The following CYP2C8 variants were observed in gnomAD, a reference collection of about 807,000 sequenced individuals.
CYP2C8 encodes cytochrome P450 2C8.
Under a neutral mutation model 41.3 loss-of-function variants are expected in CYP2C8, and 51 were observed. That is an observed-to-expected ratio of 1.24 (90% CI 0.99 to 1.56). CYP2C8 has a LOEUF of 1.56. CYP2C8 is among the 40% of genes most tolerant of loss of function. The pLI is 0.00. For missense variants in CYP2C8, 651 were observed against 579.9 expected (o/e 1.12, Z -1.26); for synonymous variants, 218 against 205.8 (o/e 1.06, Z -0.51).
At chr10:95,063,997 C>T (rs1056865800) in intron 4 of CYP2C8, among the ~76,000 whole-genome samples, 1 of 152,182 alleles carries the variant, frequency 6.6e-6, no homozygotes, top group Non-Finnish European at 1.5e-5. Flanking sequence ...GAAGTTTTGT[C>T]TCAGAGGGGT....
chr10:95,055,553 C>T (rs1330508638), intron 5 of CYP2C8, among the ~76,000 whole-genome samples: 4 of 151,938 alleles, frequency 2.6e-5, no homozygotes, highest in Non-Finnish European at 5.9e-5. Flanking sequence ...AATATTAATG[C>T]CTTCAGAATT....
At chr10:95,056,442 A>G (rs1018508618) in intron 5 of CYP2C8, among the ~76,000 whole-genome samples, 4 of 152,238 alleles carry the variant, frequency 2.6e-5, no homozygotes, top group Non-Finnish European at 1.5e-5. Flanking sequence ...AGTAACTTGT[A>G]TACAAATGTT....
intron 5 of CYP2C8, among the ~76,000 whole-genome samples, chr10:95,047,078 G>A (rs1463851780): frequency 6.6e-6 from 1 of 152,084 alleles, no homozygotes; most frequent in Non-Finnish European, 1.5e-5. Flanking sequence ...TCCCCAACTT[G>A]CTTCTCCTCT....
chr10:95,043,864 G>GCACACACA lies in CYP2C8; in HGVS notation c.962-795_962-788dup, dbSNP rs58419621. ...CATCATTCTAAATATACTCACAGAA[G>GCACACACA]CACACACACACACACACACACACAT... is the stretch of plus-strand genomic sequence containing the variant. On this transcript the variant is annotated intron_variant, in intron 6 of 8. Transcript: ENST00000371270. Among the ~76,000 whole-genome samples the GCACACACA allele has an allele frequency of 1.9e-3, 266 of 139,262 alleles. 2 individuals are homozygous for GCACACACA. The highest frequency in any genetic ancestry group is 3.4e-3 in the Non-Finnish European group (211 of 61,960). The allele number at this position is 139,262 out of a possible 152,430, so 91.4% of individuals were successfully genotyped here.
At chr10:95,058,278 C>T (rs918903768) in intron 5 of CYP2C8, 57 bp downstream of exon 5, 26 of 1,606,324 alleles carry the variant, frequency 1.6e-5, no homozygotes, top group African/African-American at 2.7e-5. Flanking sequence ...CAGAAGGATT[C>T]GATGAATCAC....
chr10:95,049,091 G>A (rs546873943), intron 5 of CYP2C8, among the ~76,000 whole-genome samples: 1 of 152,208 alleles, frequency 6.6e-6, no homozygotes, highest in Non-Finnish European at 1.5e-5. Context: ...CTATTTTCCA[G>A]AGTCTACAAG....
rs1456697802 is a variant in CYP2C8, at chr10:95,038,920, T to C, written c.1268A>G (p.Asp423Gly). Residue 423 changes from aspartate to glycine, a missense_variant, in exon 8 of 9, where the codon GAC becomes GGC. Physicochemically the swap from Asp to Gly is moderately conservative, Grantham distance 94. Transcript: ENST00000371270. ...LDKNGNFKKSDYFMPFSAGKR... is the reference protein window; with the variant it reads ...LDKNGNFKKSGYFMPFSAGKR... Reference sequence around the variant, plus strand: ...ACCTGCTGAGAAAGGCATGAAGTAGTCACTTTTCTTAAAGTTGCCATTCTT... The same window carrying C: ...ACCTGCTGAGAAAGGCATGAAGTAGCCACTTTTCTTAAAGTTGCCATTCTT... The C allele has an allele frequency of 1.2e-6, 2 of 1,613,994 alleles. No homozygotes were observed. The highest frequency in any genetic ancestry group is 2.7e-5 in the African/African-American group (2 of 75,066).
chr10:95,069,094 C>A, intron 1 of CYP2C8, 141 bp downstream of exon 1: 2 of 964,458 alleles, frequency 2.1e-6, no homozygotes, highest in Non-Finnish European at 1.6e-6. Flanking sequence ...ACAAAAGAAA[C>A]ATCAAAGAAG....
At chr10:95,067,066 G>T in intron 3 of CYP2C8, 142 bp downstream of exon 3, 1 of 1,161,282 alleles carries the variant, frequency 8.6e-7, no homozygotes, top group Non-Finnish European at 1.3e-6. Flanking sequence ...TTGTCTCTGT[G>T]CTTCAAATCT....
intron 4 of CYP2C8, among the ~76,000 whole-genome samples, chr10:95,060,760 G>T (rs2033410736): frequency 2.0e-5 from 3 of 152,272 alleles, no homozygotes; most frequent in African/African-American, 7.2e-5. Context: ...TGCCCATTCA[G>T]TATGATACTG....
intron 5 of CYP2C8, among the ~76,000 whole-genome samples, chr10:95,052,878 C>A (rs1262251836): frequency 6.6e-6 from 1 of 152,070 alleles, no homozygotes; most frequent in East Asian, 1.9e-4. Flanking sequence ...CCTCTAAGGT[C>A]TGGAAAACAA....
At chr10:95,062,764 C>G (rs1284309888) in intron 4 of CYP2C8, among the ~76,000 whole-genome samples, 1 of 152,146 alleles carries the variant, frequency 6.6e-6, no homozygotes, top group Non-Finnish European at 1.5e-5. Context: ...GATGTTTTTG[C>G]AGTGGCTGGT....
At chr10:95,055,848 G>C (rs957384793) in intron 5 of CYP2C8, among the ~76,000 whole-genome samples, 1 of 152,108 alleles carries the variant, frequency 6.6e-6, no homozygotes, top group African/African-American at 2.4e-5. Context: ...CCAGTGCTTT[G>C]GGAGGGCCAA....
At position 95,053,555 on chromosome 10, in the gene CYP2C8, G is replaced by T. The variant is rs565841734; in HGVS notation, c.819+4780C>A. On this transcript the variant is annotated intron_variant, in intron 5 of 8. Coordinates refer to ENST00000371270, the MANE Select transcript of CYP2C8 (RefSeq NM_000770.3). The stretch of plus-strand genomic sequence containing the variant: ...TGATAGACTAGATAAAGAAAATATG[G>T]CACATATGCACCATGGAGTACTATG... 4.9e-4 allele frequency among the ~76,000 whole-genome samples: 75 copies of T among 152,178 alleles called. No individual in the cohort carries two copies. The Middle Eastern group carries it at 0.01, about 21-fold the overall frequency.
intron 3 of CYP2C8, among the ~76,000 whole-genome samples, chr10:95,066,147 A>AGTGT (rs1159713137): frequency 5.3e-5 from 6 of 114,266 alleles, no homozygotes; most frequent in African/African-American, 2.2e-4. Flanking sequence ...AGAGAGAGAG[A>AGTGT]GAGAGAGTGT....
intron 5 of CYP2C8, among the ~76,000 whole-genome samples, chr10:95,051,607 C>A (rs1235675709): frequency 6.6e-6 from 1 of 152,088 alleles, no homozygotes; most frequent in African/African-American, 2.4e-5. Context: ...CCCAGATTTT[C>A]TGCTAGGGTT....
chr10:95,060,111 T>G (rs865866815), intron 4 of CYP2C8, among the ~76,000 whole-genome samples: 1 of 152,158 alleles, frequency 6.6e-6, no homozygotes, highest in African/African-American at 2.4e-5. Flanking sequence ...GGCTTAGGAT[T>G]GACTTGACAA....
chr10:95,069,446 CA>C lies in CYP2C8; in HGVS notation c.-45del, dbSNP rs1003497359. 8 of 1,549,952 alleles carry C rather than the reference CA, an allele frequency of 5.2e-6. No individual in the cohort carries two copies. Among genetic ancestry groups the C allele is most frequent in the Non-Finnish European group, 7.1e-6 (8 of 1,123,460 alleles). On this transcript the variant is annotated 5_prime_UTR_variant, in exon 1 of 9. Coordinates refer to ENST00000371270, the MANE Select transcript of CYP2C8 (RefSeq NM_000770.3). Reference sequence around the variant, plus strand: ...TTAAGACAGCTGTGAGCTTGCACTCCAAAGTTTTTATAACACTCCCTGCTAA... The same window carrying C: ...TTAAGACAGCTGTGAGCTTGCACTCCAAGTTTTTATAACACTCCCTGCTAA...
chr10:95,067,233 A>G lies in CYP2C8; in HGVS notation c.456T>C (p.Leu152=). The G allele has an allele frequency of 1.9e-6, 3 of 1,614,116 alleles. No homozygotes were observed. Among genetic ancestry groups the G allele is most frequent in the Non-Finnish European group, 2.5e-6 (3 of 1,180,006 alleles). ...EDRVQEEAHC[L]VEELRKTKAS... ...CCTTGGTTTTTCTCAACTCCTCCACAAGGCAGTGAGCTTCCTCTTGAACAC... is the reference window on the plus strand; with the variant it reads ...CCTTGGTTTTTCTCAACTCCTCCACGAGGCAGTGAGCTTCCTCTTGAACAC... Residue 152 remains leucine (L), a synonymous_variant, in exon 3 of 9, where the codon CTT becomes CTC. Coordinates refer to ENST00000371270, the MANE Select transcript of CYP2C8 (RefSeq NM_000770.3).
Sources: gnomAD v4.1 joint callset for allele counts (sites outside exome capture counted in the v4.1 genomes callset) on GRCh38, gnomAD v4.1.1 for gene constraint, MANE v1.5 for transcripts, NCBI Gene and HGNC (gene_info 2026-07-23, HGNC 2026-07-21) for gene names.